PRDM16: variants seen among roughly 807,000 people sequenced by gnomAD.
The protein encoded by PRDM16 is histone-lysine N-methyltransferase PRDM16.
In PRDM16, 23 loss-of-function variants were observed where a neutral mutation model predicts 110.6. That is an observed-to-expected ratio of 0.21 (90% CI 0.15 to 0.29). PRDM16 has a LOEUF of 0.29. PRDM16 is among the 10% of genes least tolerant of loss of function. The pLI is 1.00. For synonymous variants in PRDM16, 799 were observed against 781.8 expected (o/e 1.02, Z -0.37); for missense variants, 1,615 against 1,794.3 (o/e 0.90, Z 1.81).
chr1:3,186,103 G>A (rs1180357881), intron 1 of PRDM16, 22 bp from the exon 2 acceptor site: 44 of 1,591,042 alleles, frequency 2.8e-5, no homozygotes, highest in Non-Finnish European at 3.7e-5. Context: ...TGCAGAGGTT[G>A]ACGCTGCGTT....
At chr1:3,393,458 G>C (rs1157832783) in intron 4 of PRDM16, among the ~76,000 whole-genome samples, 1 of 152,228 alleles carries the variant, frequency 6.6e-6, no homozygotes, top group Non-Finnish European at 1.5e-5. Flanking sequence ...AGGATTATAA[G>C]CAGACGGCAG....
intron 10 of PRDM16, among the ~76,000 whole-genome samples, chr1:3,415,209 C>A (rs1407803971): frequency 6.6e-6 from 1 of 152,084 alleles, no homozygotes; most frequent in African/African-American, 2.4e-5. Context: ...CTCCTGCCTG[C>A]CCCTGAGGCC....
chr1:3,069,619 G>C lies in PRDM16; in HGVS notation c.37+323G>C, dbSNP rs908266000. ...GTGGGGGCCGGGGAGGGGGGCGGAG[G>C]GGGAGGGCCGGGGGTGGAGGGGAGC... On this transcript the variant is annotated intron_variant, in intron 1 of 16. Coordinates refer to ENST00000270722, the MANE Select transcript of PRDM16 (RefSeq NM_022114.4). The surrounding 1 kb of genome is among the most constrained non-coding windows in gnomAD (Gnocchi z 6.1). Among the ~76,000 whole-genome samples, 15 of 150,972 alleles carry C rather than the reference G, an allele frequency of 9.9e-5. No individual in the cohort carries two copies. The highest frequency in any genetic ancestry group is 1.8e-4 in the Non-Finnish European group (12 of 67,348).
intron 1 of PRDM16, among the ~76,000 whole-genome samples, chr1:3,104,741 C>G (rs770752601): frequency 6.6e-6 from 1 of 152,188 alleles, no homozygotes; most frequent in Admixed American, 6.5e-5. Context: ...CACCTCCCCA[C>G]GTCACCTGGC....
chr1:3,337,672 C>A (rs1320315365), intron 3 of PRDM16, among the ~76,000 whole-genome samples: 1 of 152,194 alleles, frequency 6.6e-6, no homozygotes, highest in African/African-American at 2.4e-5. Context: ...ACCATCTCTG[C>A]CCCAGGCTGG....
At chr1:3,406,175 C>T (rs888943893) in intron 8 of PRDM16, among the ~76,000 whole-genome samples, 19 of 152,168 alleles carry the variant, frequency 1.2e-4, no homozygotes, top group African/African-American at 3.9e-4. Flanking sequence ...CTTTAGGAGG[C>T]TCGCACACCA....
At chr1:3,413,869 G>A (rs1643736240) in intron 9 of PRDM16, among the ~76,000 whole-genome samples, 1 of 152,318 alleles carries the variant, frequency 6.6e-6, no homozygotes, top group Non-Finnish European at 1.5e-5. Flanking sequence ...TCAGTGAGCA[G>A]GCTTGTCACC....
rs570127681 is a variant in PRDM16, at chr1:3,143,263, G to A, written c.38-42862G>A. Among the ~76,000 whole-genome samples, 62 of 152,188 alleles carry A rather than the reference G, an allele frequency of 4.1e-4. No homozygotes were observed. The highest frequency in any genetic ancestry group is 1.2e-3 in the East Asian group (6 of 5,152). On this transcript the variant is annotated intron_variant, in intron 1 of 16. Coordinates refer to ENST00000270722, the MANE Select transcript of PRDM16 (RefSeq NM_022114.4). The surrounding 1 kb of genome is among the most constrained non-coding windows in gnomAD (Gnocchi z 4.5). ...CAGGGACCCCTGGGTGTGCGGGACC[G>A]TGCCGGGAAGTGTGGACATGGGTCC...
chr1:3,402,963 C>G lies in PRDM16; in HGVS notation c.849C>G (p.Cys283Trp). Residue 283 changes from cysteine (C) to tryptophan (W), a missense_variant, in exon 6 of 17, where the codon TGC becomes TGG. Physicochemically the swap from Cys to Trp is radical, Grantham distance 215 (BLOSUM62 -2). This residue lies in a region of PRDM16 where 416 missense variants were observed against 467.1 expected (regional missense o/e 0.89). Coordinates refer to ENST00000270722, the MANE Select transcript of PRDM16 (RefSeq NM_022114.4). ...LGGGSGQAHE[C>W]KDCERMFPNK... ...GTGGCAGCGGCCAAGCCCACGAGTGCAAGGACTGCGAGCGGATGTTCCCCA... is the reference window on the plus strand; with the variant it reads ...GTGGCAGCGGCCAAGCCCACGAGTGGAAGGACTGCGAGCGGATGTTCCCCA... 1 of 1,612,128 alleles carries G rather than the reference C, an allele frequency of 6.2e-7. No individual in the cohort carries two copies. Among genetic ancestry groups the G allele is most frequent in the Non-Finnish European group, 8.5e-7 (1 of 1,179,760 alleles).
chr1:3,182,903 G>C (rs1644227859), intron 1 of PRDM16, among the ~76,000 whole-genome samples: 1 of 152,092 alleles, frequency 6.6e-6, no homozygotes, highest in South Asian at 2.1e-4. Flanking sequence ...TTCCAGCCAA[G>C]TCCACCTCTT....
chr1:3,401,559 T>G (rs1321579398), intron 5 of PRDM16, among the ~76,000 whole-genome samples: 1 of 152,062 alleles, frequency 6.6e-6, no homozygotes, highest in East Asian at 1.9e-4. Flanking sequence ...TGTACACATA[T>G]TCATGCCTGC....
rs1298481930 is a variant in PRDM16, at chr1:3,370,358, G to C, written c.439-14794G>C. Among the ~76,000 whole-genome samples the C allele has an allele frequency of 6.6e-6, 1 of 152,190 alleles. No individual in the cohort carries two copies. Among genetic ancestry groups the C allele is most frequent in the Non-Finnish European group, 1.5e-5 (1 of 68,032 alleles). ...CCGTGAATAAGAAGGGAAAGGATTT[G>C]AAATGGAGGGATGAAGACAGACCCC... On this transcript the variant is annotated intron_variant, in intron 3 of 16. Transcript: ENST00000270722. This position sits in a 1 kb window ranked among gnomAD's most constrained non-coding sequence, Gnocchi z 4.8.
At chr1:3,317,142 G>T (rs1277221053) in intron 3 of PRDM16, among the ~76,000 whole-genome samples, 1 of 152,182 alleles carries the variant, frequency 6.6e-6, no homozygotes, top group Non-Finnish European at 1.5e-5. Context: ...GTCCACAGAC[G>T]CGCCCATCAT....
At chr1:3,392,567 C>T (rs1310422141) in intron 4 of PRDM16, among the ~76,000 whole-genome samples, 2 of 152,244 alleles carry the variant, frequency 1.3e-5, no homozygotes, top group Middle Eastern at 3.4e-3. Context: ...GAATGAGAAC[C>T]GTACCACTAA....
rs529505971 is a variant in PRDM16 at position 3,419,103 on chromosome 1, T to G, written c.2939+359T>G. ...GGTCCACATGGGAGAAAACCTCAGC[T>G]TCCCCACACCCAGCCCAACTCCGTT... On this transcript the variant is annotated intron_variant, in intron 12 of 16. Coordinates refer to ENST00000270722, the MANE Select transcript of PRDM16 (RefSeq NM_022114.4). Among the ~76,000 whole-genome samples, 4 of 152,284 alleles carry G rather than the reference T, an allele frequency of 2.6e-5. 1 individual carries two copies. The highest frequency in any genetic ancestry group is 2.6e-4 in the Admixed American group (4 of 15,296).
At chr1:3,391,834 A>G (rs1643306069) in intron 4 of PRDM16, among the ~76,000 whole-genome samples, 1 of 152,244 alleles carries the variant, frequency 6.6e-6, no homozygotes, top group Admixed American at 6.5e-5. Context: ...CAGGCTCCCA[A>G]GCACAGGCGT....
At chr1:3,283,114 G>T (rs1299979004) in intron 3 of PRDM16, among the ~76,000 whole-genome samples, 2 of 152,286 alleles carry the variant, frequency 1.3e-5, no homozygotes, top group East Asian at 3.9e-4. Context: ...CCCGACACTT[G>T]GTTTTGGAGG....
intron 3 of PRDM16, among the ~76,000 whole-genome samples, chr1:3,361,191 C>A (rs1335242258): frequency 2.6e-5 from 4 of 152,204 alleles, no homozygotes; most frequent in Admixed American, 2.6e-4. Flanking sequence ...CCCCGTCCCC[C>A]TTTAAACCAA....
rs540742835 is a variant in PRDM16, at chr1:3,214,985, G to A, written c.387+28511G>A. On this transcript the variant is annotated intron_variant, in intron 2 of 16. Coordinates refer to ENST00000270722, the MANE Select transcript of PRDM16 (RefSeq NM_022114.4). ...GCCACCGATCTTAGAGGTCAATGCCGCAGACCTGACAGTGGGGACCTGTGT... is the reference window on the plus strand; with the variant it reads ...GCCACCGATCTTAGAGGTCAATGCCACAGACCTGACAGTGGGGACCTGTGT... Among the ~76,000 whole-genome samples, 8 of 152,276 alleles carry A rather than the reference G, an allele frequency of 5.3e-5. No homozygotes were observed. In the East Asian group the frequency reaches 5.8e-4, roughly 11 times the overall value.
Sources: gnomAD v4.1 joint callset for allele counts (sites outside exome capture counted in the v4.1 genomes callset) on GRCh38, gnomAD v4.1.1 for gene constraint, gnomAD v4.1.1 regional missense constraint, Gnocchi (gnomAD v3.1) non-coding constraint, MANE v1.5 for transcripts, NCBI Gene and HGNC (gene_info 2026-07-23, HGNC 2026-07-21) for gene names.